Variants in KCNQ3 observed in about 807,000 individuals in gnomAD.
KCNQ3 encodes the protein potassium voltage-gated channel subfamily Q member 3.
In KCNQ3, 30 loss-of-function variants were observed where a neutral mutation model predicts 92.5. The observed-to-expected ratio is 0.32, with a 90% confidence interval of 0.24 to 0.44. The LOEUF is 0.44. Among genes scored for constraint, KCNQ3 ranks in the 20% least tolerant of loss-of-function variants. The pLI, the probability that KCNQ3 is intolerant of heterozygous loss-of-function variation, is 1.00. For missense variants in KCNQ3, 913 were observed against 1,140.3 expected (o/e 0.80, Z 2.87); for synonymous variants, 450 against 468.8 (o/e 0.96, Z 0.52).
intron 1 of KCNQ3, among the ~76,000 whole-genome samples, chr8:132,201,601 C>T (rs1827460873): frequency 2.0e-5 from 3 of 152,144 alleles, no homozygotes; most frequent in Non-Finnish European, 4.4e-5. Flanking sequence ...CTCAACAGCA[C>T]AGATATTAAA....
At chr8:132,346,875 G>T (rs60888642) in intron 1 of KCNQ3, among the ~76,000 whole-genome samples, 10,786 of 152,236 alleles carry the variant, frequency 0.071, 429 homozygotes, top group South Asian at 0.16. Context: ...CGGCTGTTTT[G>T]TGGGAAGGGA....
chr8:132,261,159 GCTCT>G (rs547768113), intron 1 of KCNQ3, among the ~76,000 whole-genome samples: 132 of 152,316 alleles, frequency 8.7e-4, no homozygotes, highest in African/African-American at 3.0e-3. Flanking sequence ...AGGCAATTCA[GCTCT>G]CTATCTGGCA....
At chr8:132,178,090 T>C (rs981367400) in intron 4 of KCNQ3, among the ~76,000 whole-genome samples, 1 of 152,220 alleles carries the variant, frequency 6.6e-6, no homozygotes, top group African/African-American at 2.4e-5. Flanking sequence ...CAGCAGGCAC[T>C]GGGGATCTAT....
chr8:132,438,383 G>A (rs889915554), intron 1 of KCNQ3, among the ~76,000 whole-genome samples: 6 of 152,110 alleles, frequency 3.9e-5, no homozygotes, highest in Non-Finnish European at 4.4e-5. Flanking sequence ...TCTCTGCCCC[G>A]ATCCCACCCT....
At chr8:132,291,854 A>G (rs1816845114) in intron 1 of KCNQ3, among the ~76,000 whole-genome samples, 1 of 152,224 alleles carries the variant, frequency 6.6e-6, no homozygotes, top group East Asian at 1.9e-4. Flanking sequence ...GTCTTGGAAT[A>G]TAAAATGTAA....
At chr8:132,243,872 T>C (rs529242916) in intron 1 of KCNQ3, among the ~76,000 whole-genome samples, 237 of 152,356 alleles carry the variant, frequency 1.6e-3, no homozygotes, top group African/African-American at 5.6e-3. Context: ...GAATAATATA[T>C]TGACTTCATG....
intron 1 of KCNQ3, among the ~76,000 whole-genome samples, chr8:132,393,197 T>TA (rs1449398105): frequency 6.6e-6 from 1 of 152,192 alleles, no homozygotes; most frequent in Non-Finnish European, 1.5e-5. Context: ...CCATCCACTC[T>TA]ACCTCCCTAC....
intron 1 of KCNQ3, among the ~76,000 whole-genome samples, chr8:132,315,375 G>A (rs1273861315): frequency 1.3e-5 from 2 of 152,094 alleles, no homozygotes; most frequent in Non-Finnish European, 2.9e-5. Context: ...CTTGATTTCT[G>A]CCTGGGGGGC....
intron 1 of KCNQ3, among the ~76,000 whole-genome samples, chr8:132,357,980 G>A (rs368213714): frequency 1.1e-4 from 16 of 152,156 alleles, no homozygotes; most frequent in East Asian, 7.7e-4. Context: ...TCCCGTCCTC[G>A]ACAGCCCAGC....
At chr8:132,424,992 A>G (rs1821072115) in intron 1 of KCNQ3, among the ~76,000 whole-genome samples, 1 of 152,220 alleles carries the variant, frequency 6.6e-6, no homozygotes, top group Non-Finnish European at 1.5e-5. Flanking sequence ...TTAGGACACC[A>G]ATATGTTTTG....
intron 1 of KCNQ3, among the ~76,000 whole-genome samples, chr8:132,258,967 A>G (rs1231685865): frequency 1.3e-5 from 2 of 152,110 alleles, no homozygotes; most frequent in Non-Finnish European, 2.9e-5. Flanking sequence ...GAAACAGAAA[A>G]TTTGAATAGA....
intron 1 of KCNQ3, among the ~76,000 whole-genome samples, chr8:132,429,866 A>C (rs1245364958): frequency 6.6e-6 from 1 of 151,622 alleles, no homozygotes; most frequent in East Asian, 1.9e-4. Context: ...CTTCTCAAAA[A>C]AAAAAAAAAA....
intron 1 of KCNQ3, among the ~76,000 whole-genome samples, chr8:132,433,316 A>T (rs914633743): frequency 6.6e-6 from 1 of 152,186 alleles, no homozygotes; most frequent in African/African-American, 2.4e-5. Context: ...ACAACCCCTG[A>T]CTGATGTGTG....
chr8:132,217,335 A>G (rs1424405460), intron 1 of KCNQ3, among the ~76,000 whole-genome samples: 1 of 152,156 alleles, frequency 6.6e-6, no homozygotes, highest in Admixed American at 6.5e-5. Flanking sequence ...TGCAATTTAC[A>G]TTTAGTCACC....
chr8:132,357,657 C>T (rs924301613), intron 1 of KCNQ3, among the ~76,000 whole-genome samples: 4 of 152,196 alleles, frequency 2.6e-5, no homozygotes, highest in African/African-American at 4.8e-5. Flanking sequence ...TCCATGTCGT[C>T]CAGATCTCCA....
chr8:132,140,866 G>A (rs754963272), intron 10 of KCNQ3: 5 of 514,584 alleles, frequency 9.7e-6, no homozygotes, highest in Non-Finnish European at 1.8e-5. Flanking sequence ...GGGTCGGGGC[G>A]GACCCTTAGA....
chr8:132,378,007 G>A (rs1819655152), intron 1 of KCNQ3, among the ~76,000 whole-genome samples: 1 of 152,022 alleles, frequency 6.6e-6, no homozygotes. Context: ...GGTTCTACAA[G>A]GACAGATTAT....
At chr8:132,387,765 C>G (rs2130765129) in intron 1 of KCNQ3, among the ~76,000 whole-genome samples, 1 of 152,214 alleles carries the variant, frequency 6.6e-6, no homozygotes, top group Non-Finnish European at 1.5e-5. Context: ...TTTTGGGAGG[C>G]CAAGGCAGGA....
At chr8:132,346,273 G>A (rs909935487) in intron 1 of KCNQ3, among the ~76,000 whole-genome samples, 1 of 152,158 alleles carries the variant, frequency 6.6e-6, no homozygotes, top group Non-Finnish European at 1.5e-5. Flanking sequence ...CCCTGCTTGG[G>A]CTGTCAGGTT....
Sources: gnomAD v4.1 joint callset for allele counts (sites outside exome capture counted in the v4.1 genomes callset) on GRCh38, gnomAD v4.1.1 for gene constraint, MANE v1.5 for transcripts, NCBI Gene and HGNC (gene_info 2026-07-23, HGNC 2026-07-21) for gene names.